Variants in ADGRV1 observed in about 807,000 individuals in gnomAD.
ADGRV1 encodes the protein adhesion G protein-coupled receptor V1.
Under a neutral mutation model 596.2 loss-of-function variants are expected in ADGRV1, and 359 were observed. The ratio of observed to expected loss-of-function variants is 0.60; its 90% CI spans 0.55 to 0.66. ADGRV1 has a LOEUF of 0.66. Among genes scored for constraint, ADGRV1 ranks in the 30% least tolerant of loss-of-function variants. ADGRV1 has a pLI of 0.00. For missense variants in ADGRV1, 7,274 were observed against 7,575.6 expected (o/e 0.96, Z 1.48); for synonymous variants, 2,681 against 2,679.2 (o/e 1.00, Z -0.02).
intron 85 of ADGRV1, among the ~76,000 whole-genome samples, chr5:91,035,862 T>TATATATATATATATAC (rs1784849468): frequency 6.1e-5 from 1 of 16,500 alleles, no homozygotes; most frequent in Admixed American, 1.0e-3. Flanking sequence ...ATATATATAT[T>TATATATATATATATAC]ATATATATAT....
intron 83 of ADGRV1, 137 bp from the exon 84 acceptor site, chr5:90,965,278 T>A: frequency 1.6e-6 from 1 of 621,434 alleles, no homozygotes; most frequent in Admixed American, 2.3e-5. Context: ...CTTAGTCATA[T>A]CAGTTTGGGC....
chr5:90,737,334 A>G (rs1328436346), intron 50 of ADGRV1, among the ~76,000 whole-genome samples: 3 of 152,002 alleles, frequency 2.0e-5, no homozygotes, highest in Non-Finnish European at 4.4e-5. Flanking sequence ...TTGTTAAGAC[A>G]TGTTTTGTGG....
At chr5:91,082,845 T>C (rs1166996586) in intron 86 of ADGRV1, among the ~76,000 whole-genome samples, 1 of 152,202 alleles carries the variant, frequency 6.6e-6, no homozygotes, top group Non-Finnish European at 1.5e-5. Flanking sequence ...TGCAACTTTT[T>C]CCATGTATTA....
intron 83 of ADGRV1, among the ~76,000 whole-genome samples, chr5:90,878,887 G>A (rs911165971): frequency 5.3e-5 from 8 of 152,188 alleles, no homozygotes; most frequent in Admixed American, 6.5e-5. Context: ...TTAAAAACTC[G>A]AACCATATTT....
intron 86 of ADGRV1, among the ~76,000 whole-genome samples, chr5:91,087,008 T>C (rs1345624030): frequency 6.6e-6 from 1 of 152,186 alleles, no homozygotes; most frequent in African/African-American, 2.4e-5. Flanking sequence ...AAGGAACAAC[T>C]TACAGTAATT....
At chr5:90,769,636 T>C (rs924127487) in intron 59 of ADGRV1, among the ~76,000 whole-genome samples, 2 of 152,220 alleles carry the variant, frequency 1.3e-5, no homozygotes, top group Admixed American at 6.5e-5. Flanking sequence ...TTGTTTCTCA[T>C]GAACATTGTA....
chr5:90,772,851 T>C (rs1757836350), intron 59 of ADGRV1, among the ~76,000 whole-genome samples: 1 of 152,098 alleles, frequency 6.6e-6, no homozygotes, highest in South Asian at 2.1e-4. Flanking sequence ...AGGCAAACAA[T>C]GGAATCCCCA....
chr5:91,150,009 CT>C lies in ADGRV1; in HGVS notation c.18433-5del, dbSNP rs35858094. 0.014 allele frequency: 17,358 copies of C among 1,274,710 alleles called. 30 individuals are homozygous for C. Among genetic ancestry groups the C allele is most frequent in the East Asian group, 0.11 (3,389 of 32,256 alleles). 79.0% of individuals were successfully genotyped at this position (1,274,710 alleles called of 1,614,324 possible). ...GTTCTTTTTCTTTTTCTTTTCTTTT[CT>C]TTTTTTTTTTTTTTTGCAGGGACTT... On this transcript the variant is annotated intron_variant, in intron 87 of 89. Coordinates refer to ENST00000405460, the MANE Select transcript of ADGRV1 (RefSeq NM_032119.4).
At chr5:90,921,136 C>T (rs1022754284) in intron 83 of ADGRV1, among the ~76,000 whole-genome samples, 14 of 152,162 alleles carry the variant, frequency 9.2e-5, no homozygotes, top group Non-Finnish European at 5.9e-5. Flanking sequence ...TGCATGTTTA[C>T]AATCACATGC....
intron 60 of ADGRV1, among the ~76,000 whole-genome samples, chr5:90,775,498 G>T (rs756072994): frequency 1.9e-4 from 29 of 151,976 alleles, no homozygotes; most frequent in Non-Finnish European, 3.1e-4. Flanking sequence ...TTTTTTTGAG[G>T]CAGGGTCTTG....
intron 83 of ADGRV1, among the ~76,000 whole-genome samples, chr5:90,932,321 G>A (rs1173776930): frequency 6.6e-6 from 1 of 152,118 alleles, no homozygotes; most frequent in African/African-American, 2.4e-5. Context: ...TCCAAGCTCT[G>A]TTTCCCAGGG....
chr5:91,126,381 T>G (rs1362499166), intron 87 of ADGRV1, among the ~76,000 whole-genome samples: 1 of 152,216 alleles, frequency 6.6e-6, no homozygotes, highest in African/African-American at 2.4e-5. Flanking sequence ...AATGTTTACA[T>G]GAAAAGAATA....
At chr5:90,947,075 A>G (rs943297012) in intron 83 of ADGRV1, among the ~76,000 whole-genome samples, 2 of 152,192 alleles carry the variant, frequency 1.3e-5, no homozygotes, top group Non-Finnish European at 2.9e-5. Flanking sequence ...TTACATTCCC[A>G]CTAAATGTAA....
intron 83 of ADGRV1, among the ~76,000 whole-genome samples, chr5:90,870,057 C>T (rs1270603071): frequency 2.6e-5 from 4 of 152,060 alleles, no homozygotes; most frequent in African/African-American, 7.2e-5. Flanking sequence ...AATTGGAGAA[C>T]GATATGTGCA....
At chr5:90,883,274 C>T (rs1769966513) in intron 83 of ADGRV1, among the ~76,000 whole-genome samples, 1 of 152,100 alleles carries the variant, frequency 6.6e-6, no homozygotes, top group South Asian at 2.1e-4. Context: ...TATCTTGCTT[C>T]TACCTCCTAG....
chr5:91,149,937 T>G, intron 87 of ADGRV1, 93 bp from the exon 88 acceptor site: 10 of 983,146 alleles, frequency 1.0e-5, no homozygotes, highest in Non-Finnish European at 1.5e-5. Flanking sequence ...AATACAACCA[T>G]GTTTATTCTT....
chr5:91,074,651 T>C (rs972399220), intron 86 of ADGRV1, among the ~76,000 whole-genome samples: 14 of 152,266 alleles, frequency 9.2e-5, no homozygotes, highest in African/African-American at 2.9e-4. Context: ...GCATGTGTCT[T>C]CATGGTAGAA....
At chr5:90,647,175 G>C (rs1370745815) in intron 16 of ADGRV1, among the ~76,000 whole-genome samples, 1 of 152,098 alleles carries the variant, frequency 6.6e-6, no homozygotes, top group Admixed American at 6.6e-5. Context: ...AGATCTCTGG[G>C]CCTGTTCTCA....
Position 90,756,503 on chromosome 5 carries a change from T to G in ADGRV1, c.11630T>G (p.Val3877Gly). ...EEGFIVTITE[V>G]NLVNSDFSTG... ...GGATTTATTGTCACTATCACTGAGG[T>G]GAACCTGGTGAACTCTGACTTCTCT... The change falls in exon 56 of 90, where the codon GTG (valine) becomes GGG (glycine). Residue 3877 changes from valine to glycine, a missense_variant. By Grantham distance (109) the Val-to-Gly change is moderately radical. Around this residue, in one of 5 missense-constraint regions of ADGRV1, gnomAD observed 3,643 missense variants for 3,809.2 expected, o/e 0.96. Transcript: ENST00000405460. 1 of 1,605,550 alleles carries G rather than the reference T, an allele frequency of 6.2e-7. No homozygotes were observed. Among genetic ancestry groups the G allele is most frequent in the Non-Finnish European group, 8.5e-7 (1 of 1,175,494 alleles).
Sources: allele counts gnomAD v4.1 joint callset (sites outside exome capture counted in the v4.1 genomes callset), GRCh38; gene constraint gnomAD v4.1.1; regional missense constraint gnomAD v4.1.1; transcripts MANE v1.5; gene names NCBI Gene and HGNC (gene_info 2026-07-23, HGNC 2026-07-21).